The following STK3 variants were observed in gnomAD, a reference collection of about 807,000 sequenced individuals.
STK3 encodes serine/threonine-protein kinase 3.
Under a neutral mutation model 58.0 loss-of-function variants are expected in STK3, and 41 were observed. The ratio of observed to expected loss-of-function variants is 0.71; its 90% CI spans 0.55 to 0.92. The LOEUF is 0.92. Ranked by LOEUF, STK3 falls within the 40% of genes least tolerant of loss-of-function variation. STK3 has a pLI of 0.00. For missense variants in STK3, 479 were observed against 602.7 expected (o/e 0.79, Z 2.15); for synonymous variants, 170 against 191.0 (o/e 0.89, Z 0.91).
At chr8:98,743,226 A>C (rs925521054) in intron 4 of STK3, among the ~76,000 whole-genome samples, 2 of 149,920 alleles carry the variant, frequency 1.3e-5, no homozygotes, top group African/African-American at 4.9e-5. Context: ...ATTGGACAAA[A>C]GTACTTTAAA....
intron 6 of STK3, among the ~76,000 whole-genome samples, chr8:98,649,108 C>T (rs1820658562): frequency 1.3e-5 from 2 of 151,226 alleles, no homozygotes; most frequent in South Asian, 2.1e-4. Flanking sequence ...TCCTAAAGTA[C>T]TATTAATCAT....
At chr8:98,631,497 C>T (rs1819231429) in intron 6 of STK3, among the ~76,000 whole-genome samples, 1 of 152,168 alleles carries the variant, frequency 6.6e-6, no homozygotes, top group Non-Finnish European at 1.5e-5. Flanking sequence ...CTGCATTGCT[C>T]ATTTACTTAG....
At chr8:98,483,961 C>T (rs1232998713) in intron 10 of STK3, among the ~76,000 whole-genome samples, 1 of 152,122 alleles carries the variant, frequency 6.6e-6, no homozygotes, top group African/African-American at 2.4e-5. Flanking sequence ...AAGAGTGCCA[C>T]CTCTGTTCAG....
At chr8:98,442,791 C>T (rs989755041) in intron 1 of STK3, among the ~76,000 whole-genome samples, 3 of 152,138 alleles carry the variant, frequency 2.0e-5, no homozygotes, top group African/African-American at 7.2e-5. Flanking sequence ...TACTGTGCTG[C>T]TTGCAAGTAT....
chr8:98,667,868 T>C (rs1301876654), intron 6 of STK3, among the ~76,000 whole-genome samples: 1 of 152,040 alleles, frequency 6.6e-6, no homozygotes, highest in African/African-American at 2.4e-5. Context: ...CTTATTTTGG[T>C]AATGAAAAGA....
intron 10 of STK3, among the ~76,000 whole-genome samples, chr8:98,484,296 C>G: frequency 6.6e-6 from 1 of 152,100 alleles, no homozygotes; most frequent in Non-Finnish European, 1.5e-5. Context: ...ACCAAAGTAT[C>G]CTTATTAACA....
At chr8:98,413,621 A>C in intron 3 of STK3, 2 of 722,684 alleles carry the variant, frequency 2.8e-6, no homozygotes. Context: ...TACAAAGACA[A>C]AGGTCTGCCA....
downstream of STK3, among the ~76,000 whole-genome samples, chr8:98,399,378 G>T (rs1225540307): frequency 6.6e-6 from 1 of 152,238 alleles, no homozygotes; most frequent in Non-Finnish European, 1.5e-5. Flanking sequence ...TGAGGGGGCT[G>T]CCTGCTGATC....
intron 1 of STK3, among the ~76,000 whole-genome samples, chr8:98,379,905 G>A (rs759214098): frequency 3.9e-5 from 6 of 152,138 alleles, no homozygotes; most frequent in African/African-American, 1.2e-4. Context: ...ACAGATGTCC[G>A]TAAACAGAGG....
intron 10 of STK3, among the ~76,000 whole-genome samples, chr8:98,495,819 T>C (rs2131340661): frequency 6.6e-6 from 1 of 152,302 alleles, no homozygotes; most frequent in East Asian, 1.9e-4. Context: ...TTGATAGACT[T>C]AAAAATCTTA....
At chr8:98,550,503 T>C (rs1811072115) in intron 8 of STK3, among the ~76,000 whole-genome samples, 1 of 152,186 alleles carries the variant, frequency 6.6e-6, no homozygotes, top group Non-Finnish European at 1.5e-5. Context: ...CATGGTAATC[T>C]TCACTTGCTA....
In STK3 at chr8:98,906,989, T is replaced by TAAAAAAAAA. The variant is rs3085954; in HGVS notation, c.-78-23164_-78-23156dup. Among the ~76,000 whole-genome samples the TAAAAAAAAA allele has an allele frequency of 7.6e-4, 72 of 94,760 alleles. 1 individual carries two copies. Among genetic ancestry groups the TAAAAAAAAA allele is most frequent in the African/African-American group, 2.7e-3 (64 of 23,910 alleles). 62.2% of individuals were successfully genotyped at this position (94,760 alleles called of 152,430 possible). A position where few individuals can be genotyped will look rare whatever the true frequency, so the allele number is the denominator to read the frequency against. On this transcript the variant is annotated intron_variant, in intron 1 of 1. Transcript: ENST00000519420. ...ATAGGGATAACCCCATCTCTACCAATAAAAAAAAAAAAAAAAAAATTAGCC... is the reference window on the plus strand; with the variant it reads ...ATAGGGATAACCCCATCTCTACCAATAAAAAAAAAAAAAAAAAAAAAAAAAAAATTAGCC...
rs542065285 is a variant in STK3, at chr8:98,800,587, G to C, written c.26+24928C>G. Among the ~76,000 whole-genome samples, 1,314 of 152,302 alleles carry C rather than the reference G, an allele frequency of 8.6e-3. 10 individuals are homozygous for C. Among genetic ancestry groups the C allele is most frequent in the African/African-American group, 0.03 (1,238 of 41,570 alleles). On this transcript the variant is annotated intron_variant, in intron 1 of 10. Transcript: ENST00000419617. The surrounding 1 kb of genome is among the most constrained non-coding windows in gnomAD (Gnocchi z 4.8). ...CCCTCTGCTTGCGGGAAGGTGTGGAGGGAGAAGCGTGGGCAGGAACCAGGA... is the reference window on the plus strand; with the variant it reads ...CCCTCTGCTTGCGGGAAGGTGTGGACGGAGAAGCGTGGGCAGGAACCAGGA...
intron 7 of STK3, among the ~76,000 whole-genome samples, chr8:98,588,823 C>T (rs922715511): frequency 1.4e-4 from 21 of 151,882 alleles, no homozygotes; most frequent in African/African-American, 5.1e-4. Flanking sequence ...CTCTAAACTT[C>T]CCTTCTCGCT....
At chr8:98,354,081 T>C in the STK3 span, among the ~76,000 whole-genome samples, 6 of 152,206 alleles carry the variant, frequency 3.9e-5, no homozygotes, top group African/African-American at 1.4e-4. Flanking sequence ...ATCTGGTCTT[T>C]ATGTCACCAT....
At chr8:98,359,673 A>G in the STK3 span, among the ~76,000 whole-genome samples, 1 of 152,160 alleles carries the variant, frequency 6.6e-6, no homozygotes, top group Non-Finnish European at 1.5e-5. Flanking sequence ...TCTCCCATTC[A>G]GCCTCCATAG....
chr8:98,594,322 G>A (rs1346407660), intron 7 of STK3, among the ~76,000 whole-genome samples: 3 of 151,774 alleles, frequency 2.0e-5, no homozygotes, highest in East Asian at 1.9e-4. Context: ...TACATGGGCC[G>A]GGCACGGTGG....
intron 1 of STK3, among the ~76,000 whole-genome samples, chr8:98,884,820 A>G (rs774234721): frequency 2.0e-5 from 3 of 152,246 alleles, no homozygotes; most frequent in Non-Finnish European, 2.9e-5. Context: ...TCACCATTAT[A>G]TTCCCAGTAC....
At chr8:98,907,203 A>T (rs1838944533) in intron 1 of STK3, among the ~76,000 whole-genome samples, 1 of 151,552 alleles carries the variant, frequency 6.6e-6, no homozygotes, top group Non-Finnish European at 1.5e-5. Flanking sequence ...TTTCAAACAC[A>T]AATAGAAGTA....
Sources: allele counts gnomAD v4.1 joint callset (sites outside exome capture counted in the v4.1 genomes callset), GRCh38; gene constraint gnomAD v4.1.1; non-coding constraint Gnocchi (gnomAD v3.1); transcripts MANE v1.5; gene names NCBI Gene and HGNC (gene_info 2026-07-23, HGNC 2026-07-21).